The following ABHD18 variants were observed in gnomAD, a reference collection of about 807,000 sequenced individuals.
ABHD18 encodes abhydrolase domain containing 18.
In ABHD18, 55 loss-of-function variants were observed where a neutral mutation model predicts 65.9. The observed-to-expected ratio is 0.84, with a 90% CI of 0.67 to 1.05. The LOEUF (loss-of-function observed/expected upper bound fraction) is 1.05. Ranked by LOEUF, ABHD18 falls within the 50% of genes least tolerant of loss-of-function variation. The pLI, the probability that ABHD18 is intolerant of heterozygous loss-of-function variation, is 0.00. For missense variants in ABHD18, 533 were observed against 558.5 expected, an observed-to-expected ratio of 0.95 and a Z score of 0.46; for synonymous variants, 181 against 180.2, an observed-to-expected ratio of 1.00 and a Z score of -0.04.
intron 4 of ABHD18, among the ~76,000 whole-genome samples, chr4:128,003,530 A>G (rs1012186420): frequency 2.6e-5 from 4 of 152,106 alleles, no homozygotes; most frequent in African/African-American, 9.6e-5. Context: ...ATAGAAAAGA[A>G]TTTTAAAAAG....
chr4:128,025,979 C>T (rs1175853918), intron 10 of ABHD18, among the ~76,000 whole-genome samples: 2 of 152,002 alleles, frequency 1.3e-5, no homozygotes, highest in African/African-American at 4.8e-5. Context: ...ACGGTGAAAC[C>T]CCGTCTCTAT....
chr4:127,983,127 T>C (rs975399286), intron 2 of ABHD18, 80 bp downstream of exon 2: 1 of 866,734 alleles, frequency 1.2e-6, no homozygotes, highest in Non-Finnish European at 1.8e-6. Context: ...TAAAATCCTT[T>C]ACTCTCAAAT....
At chr4:127,971,484 T>TGGC (rs1746783957) in intron 1 of ABHD18, among the ~76,000 whole-genome samples, 2 of 29,098 alleles carry the variant, frequency 6.9e-5, no homozygotes, top group African/African-American at 1.3e-4. Flanking sequence ...AGAGTTGGCT[T>TGGC]TTTTTTTTTT....
intron 4 of ABHD18, among the ~76,000 whole-genome samples, chr4:128,008,303 G>A (rs1254134106): frequency 1.7e-5 from 2 of 117,718 alleles, no homozygotes; most frequent in East Asian, 2.7e-4. Flanking sequence ...ACGGAGTCTC[G>A]CTCTGTCACC....
At chr4:127,973,068 C>T (rs141437756) in intron 1 of ABHD18, among the ~76,000 whole-genome samples, 4,601 of 152,098 alleles carry the variant, frequency 0.03, 298 homozygotes, top group East Asian at 0.27. Context: ...GGCTGGAGTG[C>T]GGTGGTGTGA....
In ABHD18 at chr4:127,984,339, A is replaced by G. The variant is rs533207215; in HGVS notation, c.93A>G (p.Arg31=). ...RGWGRPEDLK[R]LFEFRKMIGN... ...CTTTTTGTCTTCTTTCCCATAATAG[A>G]CTCTTTGAATTCAGAAAGATGATTG... The change falls in exon 3 of 13, where the codon AGA becomes AGG. Residue 31 remains arginine (R), a splice_region_variant and synonymous_variant. Coordinates refer to ENST00000645843, the MANE Select transcript of ABHD18 (RefSeq NM_001358451.3). 60 of 1,545,596 alleles carry G rather than the reference A, an allele frequency of 3.9e-5. No individual in the cohort carries two copies. The highest frequency in any genetic ancestry group is 1.7e-4 in the Middle Eastern group (1 of 5,956).
intron 1 of ABHD18, among the ~76,000 whole-genome samples, chr4:127,981,691 A>G (rs1241884556): frequency 6.6e-6 from 1 of 152,214 alleles, no homozygotes; most frequent in African/African-American, 2.4e-5. Flanking sequence ...GTTTATGTAT[A>G]GTGGTAGACA....
chr4:128,017,557 A>C, intron 8 of ABHD18, 56 bp downstream of exon 8: 1 of 1,459,070 alleles, frequency 6.9e-7, no homozygotes, highest in Non-Finnish European at 9.2e-7. Flanking sequence ...TAAGATCTAG[A>C]GAACCTGGTT....
intron 6 of ABHD18, among the ~76,000 whole-genome samples, chr4:128,011,276 G>A (rs540126372): frequency 2.0e-5 from 3 of 151,624 alleles, no homozygotes; most frequent in Admixed American, 6.6e-5. Context: ...AGCCTCCCGC[G>A]TAGCTGACAC....
chr4:128,023,662 C>T lies in ABHD18; in HGVS notation c.801+2424C>T, dbSNP rs142249702. ...TTGGGAGGCCGAGGAGGGCAGATCA[C>T]GAGGTCAGGAGATCGAGACCATATT... On this transcript the variant is annotated intron_variant, in intron 10 of 12. Transcript: ENST00000645843. 1.2e-3 allele frequency among the ~76,000 whole-genome samples: 180 copies of T among 151,690 alleles called. 2 individuals are homozygous for T. Among genetic ancestry groups the T allele is most frequent in the African/African-American group, 3.9e-3 (163 of 41,428 alleles).
At chr4:128,005,508 G>A (rs916768053) in intron 4 of ABHD18, among the ~76,000 whole-genome samples, 14 of 152,030 alleles carry the variant, frequency 9.2e-5, no homozygotes, top group African/African-American at 3.4e-4. Flanking sequence ...TGTCACCTAG[G>A]GTGGAATACA....
intron 1 of ABHD18, among the ~76,000 whole-genome samples, chr4:127,973,817 CAA>C (rs57170719): frequency 2.4e-4 from 4 of 16,610 alleles, no homozygotes; most frequent in Non-Finnish European, 4.2e-4. Context: ...TGATGAACAG[CAA>C]AAAAAAAAAA....
chr4:128,017,375 A>T lies in ABHD18; in HGVS notation c.483A>T (p.Leu161Phe). Reference protein sequence around the residue: ...RKPKDQVRSSLKNVSDLFVMG... With the variant: ...RKPKDQVRSSFKNVSDLFVMG... ...TTTGTGAGGCTAGAAGGTCCAGCTT[A>T]AAAAATGTGTCCGACCTTTTTGTGA... The change falls in exon 8 of 13, where the codon TTA (leucine) becomes TTT (phenylalanine). Residue 161 changes from leucine to phenylalanine, a missense_variant. Leu to Phe is a conservative substitution (Grantham distance 22, BLOSUM62 0). Coordinates refer to ENST00000645843, the MANE Select transcript of ABHD18 (RefSeq NM_001358451.3). The T allele has an allele frequency of 1.2e-6, 2 of 1,613,260 alleles. No homozygotes were observed. Among genetic ancestry groups the T allele is most frequent in the Non-Finnish European group, 1.7e-6 (2 of 1,179,614 alleles).
At chr4:127,986,659 A>G (rs1405034065) in intron 3 of ABHD18, among the ~76,000 whole-genome samples, 1 of 152,166 alleles carries the variant, frequency 6.6e-6, no homozygotes, top group South Asian at 2.1e-4. Context: ...CAAAGTGACT[A>G]TACTATTTTA....
chr4:128,028,386 G>A (rs1757685373), intron 10 of ABHD18, 89 bp from the exon 11 acceptor site: 2 of 946,076 alleles, frequency 2.1e-6, no homozygotes, highest in East Asian at 2.9e-5. Context: ...TTCATTGATG[G>A]ACATTTGTCT....
intron 1 of ABHD18, among the ~76,000 whole-genome samples, chr4:127,980,306 C>T (rs1221313136): frequency 6.6e-6 from 1 of 152,184 alleles, no homozygotes; most frequent in East Asian, 1.9e-4. Context: ...AGAAGGTCCT[C>T]ACCAAATGTT....
chr4:128,026,160 G>T (rs1265658563), intron 10 of ABHD18, among the ~76,000 whole-genome samples: 1 of 152,152 alleles, frequency 6.6e-6, no homozygotes, highest in Admixed American at 6.6e-5. Flanking sequence ...ATGGTGGCAG[G>T]CACCTGTAAT....
intron 1 of ABHD18, among the ~76,000 whole-genome samples, chr4:127,978,324 T>G (rs939919240): frequency 6.6e-6 from 1 of 152,022 alleles, no homozygotes; most frequent in African/African-American, 2.4e-5. Flanking sequence ...AAATGGTTAG[T>G]AAAGAGAAGA....
intron 4 of ABHD18, among the ~76,000 whole-genome samples, chr4:127,999,650 T>A (rs1445883491): frequency 6.6e-6 from 1 of 152,224 alleles, no homozygotes; most frequent in African/African-American, 2.4e-5. Flanking sequence ...TTGGTTTTTG[T>A]TAAATTGTTT....
Sources: gnomAD v4.1 joint callset for allele counts (sites outside exome capture counted in the v4.1 genomes callset) on GRCh38, gnomAD v4.1.1 for gene constraint, MANE v1.5 for transcripts, NCBI Gene and HGNC (gene_info 2026-07-23, HGNC 2026-07-21) for gene names.